The following CPNE7 variants were observed in gnomAD, a reference collection of about 807,000 sequenced individuals.
CPNE7 encodes copine 7, also known as copine-7.
Under a neutral mutation model 66.5 loss-of-function variants are expected in CPNE7, and 78 were observed. That is an observed-to-expected ratio of 1.17 (90% CI 0.98 to 1.42). The LOEUF is 1.42. Ranked by LOEUF, CPNE7 falls within the 40% of genes most tolerant of loss-of-function variation. CPNE7 has a pLI of 0.00. For synonymous variants in CPNE7, 468 were observed against 336.7 expected, an observed-to-expected ratio of 1.39 and a Z score of -4.27; for missense variants, 1,012 against 776.6, an observed-to-expected ratio of 1.30 and a Z score of -3.60.
At position 89,595,331 on chromosome 16, in the gene CPNE7, G is replaced by T; in HGVS notation, c.1303-36G>T. ...TGCAGGGCGCATGTGGGCCATGGCA[G>T]GTGTGGTGTTGCTGATGCCTTTCCT... On this transcript the variant is annotated intron_variant, in intron 13 of 14. Transcript: ENST00000319518. The T allele has an allele frequency of 2.0e-6, 3 of 1,514,028 alleles. No individual in the cohort carries two copies. In the South Asian group the frequency reaches 3.8e-5, roughly 19 times the overall value. 93.8% of individuals were successfully genotyped at this position (1,514,028 alleles called of 1,614,324 possible). A position where few individuals can be genotyped will look rare whatever the true frequency, so the allele number is the denominator to read the frequency against.
At position 89,576,144 on chromosome 16, in the gene CPNE7, G is replaced by C. The variant is rs935742155; in HGVS notation, c.174+73G>C. On this transcript the variant is annotated intron_variant, in intron 1 of 14. Transcript: ENST00000319518. ...CGCCGAGCTGGGGATGCGGAGACCA[G>C]AGCGGGCGCGCTGAGGCCAGTGGGG... 7.5e-6 allele frequency: 9 copies of C among 1,202,908 alleles called. No homozygotes were observed. In the East Asian group the frequency reaches 2.2e-4, roughly 30 times the overall value. 74.5% of individuals were successfully genotyped at this position (1,202,908 alleles called of 1,614,324 possible).
chr16:89,591,011 C>A lies in CPNE7; in HGVS notation c.1121C>A (p.Ser374Tyr). The A allele has an allele frequency of 6.2e-7, 1 of 1,613,702 alleles. No individual in the cohort carries two copies. The highest frequency in any genetic ancestry group is 8.5e-7 in the Non-Finnish European group (1 of 1,179,868). The change falls in exon 12 of 15, where the codon TCC (serine) becomes TAC (tyrosine). Residue 374 changes from serine (S) to tyrosine (Y), a missense_variant. Transcript: ENST00000319518. ...GARIPPKYEV[S>Y]HDFAINFNPE... ...AGCCCTCTTGTTCCCACCCAGGTGTCCCATGACTTTGCCATCAATTTCAAC... is the reference window on the plus strand; with the variant it reads ...AGCCCTCTTGTTCCCACCCAGGTGTACCATGACTTTGCCATCAATTTCAAC...
chr16:89,589,151 G>A (rs2059131939), intron 10 of CPNE7, among the ~76,000 whole-genome samples: 1 of 152,218 alleles, frequency 6.6e-6, no homozygotes, highest in African/African-American at 2.4e-5. Context: ...AATTAGCTGG[G>A]CGTGGTGGCA....
chr16:89,595,843 CA>C, intron 14 of CPNE7: 1 of 654,900 alleles, frequency 1.5e-6, no homozygotes, highest in Non-Finnish European at 2.8e-6. Flanking sequence ...GAGAACAGCA[CA>C]AGGGGCTCCT....
chr16:89,586,988 G>A lies in CPNE7; in HGVS notation c.868-55G>A, dbSNP rs748299654. 18 of 1,522,630 alleles carry A rather than the reference G, an allele frequency of 1.2e-5. No homozygotes were observed. In the Admixed American group the frequency reaches 2.3e-4, roughly 20 times the overall value. 94.3% of individuals were successfully genotyped at this position (1,522,630 alleles called of 1,614,324 possible). On this transcript the variant is annotated intron_variant, in intron 8 of 14. Transcript: ENST00000319518. ...CGGGAGGCAGGCCTGGATCCCAGCTGGCACTGGCCTCAGTGTCCCTGGCGG... is the reference window on the plus strand; with the variant it reads ...CGGGAGGCAGGCCTGGATCCCAGCTAGCACTGGCCTCAGTGTCCCTGGCGG...
intron 2 of CPNE7, among the ~76,000 whole-genome samples, chr16:89,579,251 C>G (rs919222075): frequency 1.3e-5 from 2 of 151,530 alleles, no homozygotes; most frequent in African/African-American, 4.9e-5. Context: ...GAGATCGCGC[C>G]ACTGCACACC....
rs1217500863 is a variant in CPNE7, at chr16:89,575,803, C to T, written c.-95C>T. The stretch of plus-strand genomic sequence containing the variant: ...GGCGTTCAGGGAAGCGCGGCCACGC[C>T]TGGGCCGGCCACCATTTCCCGGGCG... On this transcript the variant is annotated 5_prime_UTR_variant, in exon 1 of 15. Coordinates refer to ENST00000319518, the MANE Select transcript of CPNE7 (RefSeq NM_153636.3). The T allele has an allele frequency of 3.1e-6, 3 of 962,392 alleles. No homozygotes were observed. Among genetic ancestry groups the T allele is most frequent in the Admixed American group, 5.5e-5 (1 of 18,278 alleles). The allele number at this position is 962,392 out of a possible 1,614,324, so 59.6% of individuals were successfully genotyped here.
chr16:89,581,732 C>T (rs894383183), intron 2 of CPNE7, among the ~76,000 whole-genome samples: 2 of 152,214 alleles, frequency 1.3e-5, no homozygotes, highest in Non-Finnish European at 2.9e-5. Context: ...GCAGCCTCAA[C>T]GGCCTGTGCT....
chr16:89,590,763 G>C (rs1435211206), intron 11 of CPNE7, among the ~76,000 whole-genome samples: 2 of 95,062 alleles, frequency 2.1e-5, no homozygotes, highest in East Asian at 5.9e-4. Context: ...GGGAGCAGCT[G>C]ACTGGGGGAC....
intron 13 of CPNE7, among the ~76,000 whole-genome samples, chr16:89,591,598 G>A (rs1007815435): frequency 2.6e-5 from 4 of 152,122 alleles, no homozygotes; most frequent in Non-Finnish European, 5.9e-5. Flanking sequence ...TCTTTCCTTT[G>A]CACAAATGAT....
rs1341553130 is a variant in CPNE7, at chr16:89,584,959, C to A, written c.591+102C>A. 1.9e-6 allele frequency: 2 copies of A among 1,073,464 alleles called. No homozygotes were observed. Among genetic ancestry groups the A allele is most frequent in the Non-Finnish European group, 2.8e-6 (2 of 716,094 alleles). The allele number at this position is 1,073,464 out of a possible 1,614,324, so 66.5% of individuals were successfully genotyped here. A position where few individuals can be genotyped will look rare whatever the true frequency, so the allele number is the denominator to read the frequency against. ...GGAGCTCCCAGCCTCCAACAGGGAG[C>A]TGTGGGCGCAGGGCTTTGGTGGCTG... On this transcript the variant is annotated intron_variant, in intron 5 of 14. Transcript: ENST00000319518. This position sits in a 1 kb window ranked among gnomAD's most constrained non-coding sequence, Gnocchi z 6.0.
Position 89,588,891 on chromosome 16 carries a change from C to G in CPNE7, c.1061+83C>G, listed in dbSNP as rs995123308. On this transcript the variant is annotated intron_variant, in intron 10 of 14. Transcript: ENST00000319518. The stretch of plus-strand genomic sequence containing the variant: ...CCTGGCCGTCTTCCCCCTCACCCCC[C>G]TGGTCTCCAGGTCAGCTATGACAGG... 2.4e-5 allele frequency: 38 copies of G among 1,559,452 alleles called. No homozygotes were observed. In the South Asian group the frequency reaches 4.0e-4, roughly 16 times the overall value.
chr16:89,595,225 A>T, intron 13 of CPNE7, 142 bp from the exon 14 acceptor site: 1 of 645,750 alleles, frequency 1.5e-6, no homozygotes, highest in East Asian at 2.8e-5. Flanking sequence ...GATGTTTGTG[A>T]TGTAGGCATC....
chr16:89,592,810 C>CTTTTTTTTT (rs57297283), intron 13 of CPNE7, among the ~76,000 whole-genome samples: 3 of 106,396 alleles, frequency 2.8e-5, no homozygotes, highest in African/African-American at 3.9e-5. Context: ...TTTTTCTTTT[C>CTTTTTTTTT]TTTTTTTTTT....
At chr16:89,587,472 C>CT in intron 9 of CPNE7, 1 of 441,034 alleles carries the variant, frequency 2.3e-6, no homozygotes, top group South Asian at 1.6e-5. Context: ...AGGAAACGGG[C>CT]TTGGGGTTCA....
rs1341553130 is a variant in CPNE7 at position 89,584,959 on chromosome 16, C to T, written c.591+102C>T. 1.3e-5 allele frequency: 14 copies of T among 1,073,352 alleles called. No homozygotes were observed. The highest frequency in any genetic ancestry group is 2.0e-5 in the Non-Finnish European group (14 of 716,108). 66.5% of individuals were successfully genotyped at this position (1,073,352 alleles called of 1,614,324 possible). A position where few individuals can be genotyped will look rare whatever the true frequency, so the allele number is the denominator to read the frequency against. ...GGAGCTCCCAGCCTCCAACAGGGAGCTGTGGGCGCAGGGCTTTGGTGGCTG... is the reference window on the plus strand; with the variant it reads ...GGAGCTCCCAGCCTCCAACAGGGAGTTGTGGGCGCAGGGCTTTGGTGGCTG... On this transcript the variant is annotated intron_variant, in intron 5 of 14. Transcript: ENST00000319518. The surrounding 1 kb of genome is among the most constrained non-coding windows in gnomAD (Gnocchi z 6.0).
intron 1 of CPNE7, among the ~76,000 whole-genome samples, chr16:89,576,640 G>A (rs553256055): frequency 1.3e-5 from 2 of 152,204 alleles, no homozygotes; most frequent in Non-Finnish European, 2.9e-5. Context: ...CGCGTGAAAC[G>A]CGTGGCTTCA....
Position 89,595,874 on chromosome 16 carries a change from C to G in CPNE7, c.1539+271C>G, listed in dbSNP as rs1039994598. The G allele has an allele frequency of 4.9e-6, 3 of 613,278 alleles. No individual in the cohort carries two copies. In the African/African-American group the frequency reaches 5.4e-5, roughly 11 times the overall value. The allele number at this position is 613,278 out of a possible 1,614,324, so 38.0% of individuals were successfully genotyped here. The stretch of plus-strand genomic sequence containing the variant: ...GCTCCTGGGATCCACCACGCGGCTT[C>G]CCCCGTTGCTGCCAACCTCTGCGAC... On this transcript the variant is annotated intron_variant, in intron 14 of 14. Coordinates refer to ENST00000319518, the MANE Select transcript of CPNE7 (RefSeq NM_153636.3).
At chr16:89,583,655 GTCCCCGCCTGCCCC>G in intron 2 of CPNE7, 28 bp from the exon 3 acceptor site, 1 of 1,611,422 alleles carries the variant, frequency 6.2e-7, no homozygotes, top group Non-Finnish European at 8.5e-7. Flanking sequence ...GTCAGGAGCC[GTCCCCGCCTGCCCC>G]TCCCTGCCTG....
Sources: gnomAD v4.1 joint callset for allele counts (sites outside exome capture counted in the v4.1 genomes callset) on GRCh38, gnomAD v4.1.1 for gene constraint, Gnocchi (gnomAD v3.1) non-coding constraint, MANE v1.5 for transcripts, NCBI Gene and HGNC (gene_info 2026-07-23, HGNC 2026-07-21) for gene names.